RBFOX1: variants seen among roughly 807,000 people sequenced by gnomAD.
RBFOX1 encodes RNA binding fox-1 homolog 1, also known as RNA binding protein fox-1 homolog 1.
A neutral mutation model predicts 57.7 loss-of-function variants in RBFOX1; 8 were observed. The ratio of observed to expected loss-of-function variants is 0.14; its 90% CI spans 0.08 to 0.25. The LOEUF (loss-of-function observed/expected upper bound fraction) is 0.25, where lower values mean the gene tolerates loss of function less well. Ranked by LOEUF, RBFOX1 falls within the 10% of genes least tolerant of loss-of-function variation. The probability of loss-of-function intolerance (pLI) is 1.00; values close to 1 mark genes in which losing one functional copy is unlikely to be tolerated. For synonymous variants in RBFOX1, 326 were observed against 222.4 expected, an observed-to-expected ratio of 1.47 and a Z score of -4.15; for missense variants, 611 against 548.5, an observed-to-expected ratio of 1.11 and a Z score of -1.14.
At chr16:6,759,891 G>A (rs541718343) in intron 3 of RBFOX1, among the ~76,000 whole-genome samples, 7 of 152,112 alleles carry the variant, frequency 4.6e-5, no homozygotes, top group Non-Finnish European at 1.0e-4. Flanking sequence ...AATCAAGTAT[G>A]GTATAAGGCT....
At chr16:6,316,954 C>A in intron 1 of RBFOX1, 41 bp from the exon 2 acceptor site, 3 of 1,494,036 alleles carry the variant, frequency 2.0e-6, no homozygotes, top group Non-Finnish European at 1.8e-6. Context: ...TTCAAGAATA[C>A]ATTTCTTGAT....
intron 2 of RBFOX1, among the ~76,000 whole-genome samples, chr16:5,517,096 G>C (rs561276560): frequency 1.3e-5 from 2 of 151,882 alleles, no homozygotes; most frequent in South Asian, 2.1e-4. Flanking sequence ...TCCAGTGGTT[G>C]GAGGCCTATA....
intron 4 of RBFOX1, among the ~76,000 whole-genome samples, chr16:7,076,249 G>A (rs930686210): frequency 6.6e-6 from 1 of 151,556 alleles, no homozygotes; most frequent in Non-Finnish European, 1.5e-5. Flanking sequence ...GGCCAGGATG[G>A]TCTTGATCTC....
At chr16:5,677,033 A>G (rs2050188067) in intron 3 of RBFOX1, among the ~76,000 whole-genome samples, 1 of 152,242 alleles carries the variant, frequency 6.6e-6, no homozygotes, top group Non-Finnish European at 1.5e-5. Flanking sequence ...TCTTTTAGAA[A>G]ATCAACTAAA....
At chr16:7,084,742 C>T (rs1013360555) in intron 4 of RBFOX1, among the ~76,000 whole-genome samples, 2 of 152,202 alleles carry the variant, frequency 1.3e-5, no homozygotes, top group Admixed American at 6.5e-5. Context: ...ACTCTCATTG[C>T]AGAAAATGAG....
At chr16:7,124,802 G>T (rs1189747821) in intron 4 of RBFOX1, among the ~76,000 whole-genome samples, 1 of 151,996 alleles carries the variant, frequency 6.6e-6, no homozygotes, top group Non-Finnish European at 1.5e-5. Context: ...CAGACAGCCA[G>T]TGTAGAGACA....
chr16:6,516,838 G>A (rs535692378), intron 2 of RBFOX1, among the ~76,000 whole-genome samples: 39 of 152,166 alleles, frequency 2.6e-4, no homozygotes, highest in Non-Finnish European at 4.7e-4. Flanking sequence ...CTGCCCAGGT[G>A]TGGAGGATGG....
intron 4 of RBFOX1, among the ~76,000 whole-genome samples, chr16:7,321,268 C>G (rs908682658): frequency 6.6e-6 from 1 of 152,080 alleles, no homozygotes; most frequent in Non-Finnish European, 1.5e-5. Flanking sequence ...CATCAGCCTC[C>G]TAAGTAGCTG....
chr16:7,274,059 G>C (rs765975358), intron 4 of RBFOX1, among the ~76,000 whole-genome samples: 6 of 152,206 alleles, frequency 3.9e-5, no homozygotes, highest in African/African-American at 7.2e-5. Flanking sequence ...CAAAGTACTA[G>C]AGAAAACATA....
chr16:7,648,968 T>A (rs1317814224), intron 11 of RBFOX1, among the ~76,000 whole-genome samples: 1 of 152,198 alleles, frequency 6.6e-6, no homozygotes, highest in African/African-American at 2.4e-5. Flanking sequence ...GTGGAAATTA[T>A]CTTTCTAGGG....
At chr16:7,586,382 C>T (rs373795149) in intron 6 of RBFOX1, among the ~76,000 whole-genome samples, 2 of 152,140 alleles carry the variant, frequency 1.3e-5, no homozygotes, top group East Asian at 1.9e-4. Flanking sequence ...TGTTTTGAAA[C>T]GTGATCAAGA....
intron 3 of RBFOX1, among the ~76,000 whole-genome samples, chr16:6,935,067 C>T (rs981014485): frequency 7.3e-5 from 11 of 151,268 alleles, no homozygotes; most frequent in South Asian, 2.1e-4. Context: ...CTCCAGCCTG[C>T]GTGACAGTGA....
chr16:6,669,419 T>C (rs190810512), intron 3 of RBFOX1, among the ~76,000 whole-genome samples: 2 of 152,346 alleles, frequency 1.3e-5, no homozygotes, highest in East Asian at 1.9e-4. Flanking sequence ...ACTGTGGCCA[T>C]CTTAAACTAA....
At chr16:5,979,087 C>G (rs1252045004) in intron 4 of RBFOX1, among the ~76,000 whole-genome samples, 3 of 152,172 alleles carry the variant, frequency 2.0e-5, no homozygotes, top group African/African-American at 7.2e-5. Context: ...AATGAGTGTT[C>G]CTTAAATGAG....
intron 3 of RBFOX1, among the ~76,000 whole-genome samples, chr16:5,609,311 C>T (rs7193327): frequency 0.21 from 32,011 of 152,066 alleles, 4,331 homozygotes; most frequent in East Asian, 0.5. Flanking sequence ...ATTTCCAATA[C>T]GCCATCAGTC....
At chr16:6,565,394 A>G (rs1489672936) in intron 2 of RBFOX1, among the ~76,000 whole-genome samples, 1 of 152,096 alleles carries the variant, frequency 6.6e-6, no homozygotes, top group Admixed American at 6.6e-5. Flanking sequence ...AGTAGCTGGA[A>G]CTACAGGCGC....
chr16:7,023,239 G>A lies in RBFOX1; in HGVS notation c.-15-28818G>A, dbSNP rs147862336. Among the ~76,000 whole-genome samples the A allele has an allele frequency of 9.2e-3, 1,398 of 152,060 alleles. 27 individuals are homozygous for A. Among genetic ancestry groups the A allele is most frequent in the African/African-American group, 0.033 (1,348 of 41,476 alleles). ...TGACTATAATCCTATCACTTTGGGA[G>A]GCCAAGGCGGGTGGATTGCCTGAGG... On this transcript the variant is annotated intron_variant, in intron 3 of 15. Transcript: ENST00000550418.
Position 7,601,625 on chromosome 16 carries a change from A to G in RBFOX1, c.622+4194A>G, listed in dbSNP as rs191370443. ...AATATTTATCTACGAGGAAAAATCA[A>G]CACCACCACCACCACCACCACGAAT... is the stretch of plus-strand genomic sequence containing the variant. On this transcript the variant is annotated intron_variant, in intron 9 of 15. Coordinates refer to ENST00000550418, the MANE Select transcript of RBFOX1 (RefSeq NM_018723.4). 3.4e-3 allele frequency among the ~76,000 whole-genome samples: 522 copies of G among 152,056 alleles called. 5 individuals carry two copies. Among genetic ancestry groups the G allele is most frequent in the African/African-American group, 0.012 (488 of 41,458 alleles).
intron 4 of RBFOX1, among the ~76,000 whole-genome samples, chr16:7,269,325 A>G (rs2095259754): frequency 6.6e-6 from 1 of 152,138 alleles, no homozygotes; most frequent in Non-Finnish European, 1.5e-5. Context: ...ACATATGATC[A>G]TTTAAAAATA....
Sources: allele counts gnomAD v4.1 joint callset (sites outside exome capture counted in the v4.1 genomes callset), GRCh38; gene constraint gnomAD v4.1.1; transcripts MANE v1.5; gene names NCBI Gene and HGNC (gene_info 2026-07-23, HGNC 2026-07-21).